Variants in MARCHF10 observed in about 807,000 individuals in gnomAD.
MARCHF10 encodes the protein probable E3 ubiquitin-protein ligase MARCHF10.
MARCHF10 carries 64 observed loss-of-function variants against 76.2 expected under a neutral mutation model. The observed-to-expected ratio is 0.84, with a 90% CI of 0.69 to 1.03. The LOEUF (loss-of-function observed/expected upper bound fraction) is 1.03. Ranked by LOEUF, MARCHF10 falls within the 50% of genes least tolerant of loss-of-function variation. The probability of loss-of-function intolerance (pLI) is 0.00; values close to 1 mark genes in which losing one functional copy is unlikely to be tolerated. For synonymous variants in MARCHF10, 340 were observed against 357.5 expected, an observed-to-expected ratio of 0.95 and a Z score of 0.55; for missense variants, 875 against 958.0, an observed-to-expected ratio of 0.91 and a Z score of 1.14.
At chr17:62,765,351 CAAAAAAAAAAAAA>C (rs57082084) in intron 3 of MARCHF10, among the ~76,000 whole-genome samples, 2 of 73,618 alleles carry the variant, frequency 2.7e-5, no homozygotes, top group Non-Finnish European at 4.9e-5. Context: ...GACTCTGTCT[CAAAAAAAAAAAAA>C]AAAAAAAAAA....
rs370985671 is a variant in MARCHF10 at position 62,764,475 on chromosome 17, C to T, written c.211-4469G>A. 8.5e-5 allele frequency among the ~76,000 whole-genome samples: 13 copies of T among 152,264 alleles called. No homozygotes were observed. The East Asian group carries it at 1.4e-3, about 16-fold the overall frequency. On this transcript the variant is annotated intron_variant, in intron 3 of 10. Coordinates refer to ENST00000311269, the MANE Select transcript of MARCHF10 (RefSeq NM_152598.4). ...AAGGCAAAGAGTAGTGTCAAGCTGGCGCCAGACTGTGTTGAGTACATTTGA... is the reference window on the plus strand; with the variant it reads ...AAGGCAAAGAGTAGTGTCAAGCTGGTGCCAGACTGTGTTGAGTACATTTGA...
Position 62,736,659 on chromosome 17 carries a change from C to T in MARCHF10, c.1209G>A (p.Trp403Ter), listed in dbSNP as rs1273857539. 6.2e-7 allele frequency: 1 copy of T among 1,614,112 alleles called. No individual in the cohort carries two copies. Among genetic ancestry groups the T allele is most frequent in the East Asian group, 2.2e-5 (1 of 44,870 alleles). ...SENAKKSPLS[W>*]DTKSEPRQEV... Reference sequence around the variant, plus strand: ...CTTGTCTGGGCTCGGATTTGGTGTCCCACGAAAGAGGGCTCTTTTTCGCAT... The same window carrying T: ...CTTGTCTGGGCTCGGATTTGGTGTCTCACGAAAGAGGGCTCTTTTTCGCAT... The change falls in exon 6 of 11, where the codon TGG becomes TGA. Residue 403 changes from tryptophan to a stop codon, truncating the protein, a stop_gained. Transcript: ENST00000311269. LOFTEE classifies it high-confidence loss of function.
At chr17:62,795,110 A>G (rs2092961460) in intron 2 of MARCHF10, 1 of 963,814 alleles carries the variant, frequency 1.0e-6, no homozygotes, top group Non-Finnish European at 1.2e-6. Context: ...TGAGTGGACA[A>G]CTCCAAACCC....
intron 3 of MARCHF10, among the ~76,000 whole-genome samples, chr17:62,763,612 T>A (rs1253555267): frequency 6.6e-6 from 1 of 152,206 alleles, no homozygotes; most frequent in Admixed American, 6.5e-5. Flanking sequence ...TGTCCCCAAG[T>A]TGAAATGTCA....
At chr17:62,793,759 TCAC>T (rs1008829097) in intron 2 of MARCHF10, among the ~76,000 whole-genome samples, 5 of 108,108 alleles carry the variant, frequency 4.6e-5, no homozygotes, top group African/African-American at 1.8e-4. Context: ...ACCACCTCCA[TCAC>T]CACCACCACC....
chr17:62,782,357 T>TC (rs2092674401), intron 3 of MARCHF10, among the ~76,000 whole-genome samples: 1 of 147,836 alleles, frequency 6.8e-6, no homozygotes, highest in Non-Finnish European at 1.5e-5. Flanking sequence ...TTTTTTTTTT[T>TC]TTTTTTTTGA....
chr17:62,793,524 C>CACCACTACCACG (rs2092921538), intron 2 of MARCHF10, among the ~76,000 whole-genome samples: 1 of 120,746 alleles, frequency 8.3e-6, no homozygotes, highest in Admixed American at 8.0e-5. Flanking sequence ...CCACCACCAC[C>CACCACTACCACG]TCCATCACCA....
intron 3 of MARCHF10, among the ~76,000 whole-genome samples, chr17:62,787,671 C>T (rs1238718124): frequency 6.6e-6 from 1 of 152,090 alleles, no homozygotes; most frequent in Non-Finnish European, 1.5e-5. Flanking sequence ...CACGCACTGG[C>T]TGTGAAATCT....
chr17:62,725,034 T>A lies in MARCHF10; in HGVS notation c.2008A>T (p.Ser670Cys). Reference sequence around the variant, plus strand: ...CCGCAAGGCTCCAGGAGGGGGTTGCTTGGGGAACCCCCGGCTATCTGACAG... The same window carrying A: ...CCGCAAGGCTCCAGGAGGGGGTTGCATGGGGAACCCCCGGCTATCTGACAG... ...RICQIAGGSP[S>C]NPLLEPCGCV... The change falls in exon 7 of 11, where the codon AGC (serine) becomes TGC (cysteine). Residue 670 changes from serine (S) to cysteine (C), a missense_variant. By Grantham distance (112) the Ser-to-Cys change is moderately radical. Coordinates refer to ENST00000311269, the MANE Select transcript of MARCHF10 (RefSeq NM_152598.4). The A allele has an allele frequency of 6.2e-7, 1 of 1,609,902 alleles. No homozygotes were observed. The highest frequency in any genetic ancestry group is 8.5e-7 in the Non-Finnish European group (1 of 1,178,452).
chr17:62,724,989 A>T lies in MARCHF10; in HGVS notation c.2053T>A (p.Phe685Ile). 1 of 1,611,674 alleles carries T rather than the reference A, an allele frequency of 6.2e-7. No individual in the cohort carries two copies. Among genetic ancestry groups the T allele is most frequent in the Non-Finnish European group, 8.5e-7 (1 of 1,179,124 alleles). The change falls in exon 7 of 11, where the codon TTT becomes ATT. Residue 685 changes from phenylalanine to isoleucine, a missense_variant. Transcript: ENST00000311269. Reference protein sequence around the residue: ...EPCGCVGSLQFVHQECLKKWL... With the variant: ...EPCGCVGSLQIVHQECLKKWL... The stretch of plus-strand genomic sequence containing the variant: ...TTTTTCAGGCACTCTTGATGAACAA[A>T]CTGCAGGCTTCCCACACAGCCGCAA...
chr17:62,798,371 C>T (rs1040000351), intron 2 of MARCHF10, among the ~76,000 whole-genome samples: 1 of 151,454 alleles, frequency 6.6e-6, no homozygotes, highest in Non-Finnish European at 1.5e-5. Flanking sequence ...TGCCTATAAT[C>T]CCAGCACTTT....
intron 1 of MARCHF10, among the ~76,000 whole-genome samples, chr17:62,804,574 C>T (rs1261866690): frequency 2.0e-5 from 3 of 152,128 alleles, no homozygotes; most frequent in South Asian, 2.1e-4. Flanking sequence ...ATTGGAGTGA[C>T]GGGGCTGGGA....
intron 3 of MARCHF10, among the ~76,000 whole-genome samples, chr17:62,781,739 T>C (rs183392867): frequency 1.1e-3 from 161 of 152,328 alleles, no homozygotes; most frequent in African/African-American, 3.7e-3. Context: ...GAAGCCATTA[T>C]TTGATGGTAA....
intron 4 of MARCHF10, among the ~76,000 whole-genome samples, chr17:62,746,701 A>C (rs2091717193): frequency 1.3e-5 from 2 of 152,340 alleles, no homozygotes; most frequent in South Asian, 4.1e-4. Context: ...CGTGGGGCTC[A>C]GGCCAAGTCT....
intron 2 of MARCHF10, among the ~76,000 whole-genome samples, chr17:62,795,356 C>CAAAAAAAA (rs61564298): frequency 1.3e-3 from 67 of 52,940 alleles, no homozygotes; most frequent in African/African-American, 3.6e-3. Context: ...ATCATTTGAT[C>CAAAAAAAA]AAAAAAAAAA....
intron 5 of MARCHF10, among the ~76,000 whole-genome samples, chr17:62,740,079 T>TGCGCGC (rs920730305): frequency 1.3e-5 from 1 of 77,964 alleles, no homozygotes; most frequent in African/African-American, 3.7e-5. Context: ...TGTGTGTGTG[T>TGCGCGC]GTGCGTGTGT....
chr17:62,793,154 CCAT>C (rs1432948367), intron 2 of MARCHF10, among the ~76,000 whole-genome samples: 1 of 144,034 alleles, frequency 6.9e-6, no homozygotes, highest in African/African-American at 2.6e-5. Flanking sequence ...ATCACCACCA[CCAT>C]CACCACCACC....
chr17:62,706,423 C>T (rs900050880), intron 9 of MARCHF10: 1 of 152,218 alleles, frequency 6.6e-6, no homozygotes, highest in Non-Finnish European at 1.5e-5. Flanking sequence ...GCCAGCTGAT[C>T]GTTATCTATC....
intron 9 of MARCHF10, among the ~76,000 whole-genome samples, chr17:62,710,419 T>C (rs904902376): frequency 1.3e-5 from 2 of 151,700 alleles, no homozygotes; most frequent in Non-Finnish European, 2.9e-5. Flanking sequence ...AAAAGGAGGG[T>C]GAGATTCTTG....
Sources: gnomAD v4.1 joint callset for allele counts (sites outside exome capture counted in the v4.1 genomes callset) on GRCh38, gnomAD v4.1.1 for gene constraint, MANE v1.5 for transcripts, NCBI Gene and HGNC (gene_info 2026-07-23, HGNC 2026-07-21) for gene names.